CASP4: variants seen among roughly 807,000 people sequenced by gnomAD.
CASP4 encodes the protein caspase-4.
A neutral mutation model predicts 41.3 loss-of-function variants in CASP4; 29 were observed. The observed-to-expected ratio is 0.70, with a 90% CI of 0.52 to 0.96. CASP4 has a LOEUF of 0.96. CASP4 is among the 40% of genes least tolerant of loss of function. CASP4 has a pLI of 0.00. For missense variants in CASP4, 447 were observed against 460.6 expected, an observed-to-expected ratio of 0.97 and a Z score of 0.27; for synonymous variants, 185 against 158.4, an observed-to-expected ratio of 1.17 and a Z score of -1.26.
chr11:104,949,832 C>T, intron 4 of CASP4, 55 bp from the exon 5 acceptor site: 2 of 1,538,186 alleles, frequency 1.3e-6, no homozygotes, highest in Non-Finnish European at 9.0e-7. Context: ...TTAAAGGGGA[C>T]TCCTAGATTT....
intron 1 of CASP4, among the ~76,000 whole-genome samples, chr11:104,958,938 G>C (rs1001913375): frequency 8.6e-6 from 1 of 116,678 alleles, no homozygotes; most frequent in African/African-American, 3.3e-5. Flanking sequence ...TCCAGCCTAG[G>C]CAACAGAGTG....
intron 4 of CASP4, 101 bp downstream of exon 4, chr11:104,950,824 C>CACACT: frequency 2.5e-6 from 1 of 393,250 alleles, no homozygotes; most frequent in Non-Finnish European, 4.2e-6. Context: ...ACACACACAC[C>CACACT]CAAAGGTTGT....
intron 1 of CASP4, among the ~76,000 whole-genome samples, chr11:104,955,929 A>G (rs78557602): frequency 7.2e-4 from 110 of 152,266 alleles, no homozygotes; most frequent in Non-Finnish European, 1.5e-3. Context: ...ATGTCAGGAC[A>G]TTGCACAAAA....
intron 1 of CASP4, among the ~76,000 whole-genome samples, chr11:104,964,586 T>A (rs1450960924): frequency 6.6e-6 from 1 of 152,226 alleles, no homozygotes; most frequent in Non-Finnish European, 1.5e-5. Context: ...ACCAAGGCTT[T>A]GACTGGAATG....
intron 1 of CASP4, among the ~76,000 whole-genome samples, chr11:104,966,141 G>A (rs981887668): frequency 1.1e-4 from 16 of 152,146 alleles, no homozygotes; most frequent in Non-Finnish European, 1.9e-4. Context: ...TTACTCTTAC[G>A]CCATTGCAAT....
rs56313813 is a variant in CASP4 at position 104,954,521 on chromosome 11, A to G, written c.262+226T>C. Among the ~76,000 whole-genome samples, 1,217 of 152,260 alleles carry G rather than the reference A, an allele frequency of 8.0e-3. 21 individuals carry two copies. Among genetic ancestry groups the G allele is most frequent in the African/African-American group, 0.027 (1,135 of 41,552 alleles). On this transcript the variant is annotated intron_variant, in intron 2 of 8. Coordinates refer to ENST00000444739, the MANE Select transcript of CASP4 (RefSeq NM_001225.4). ...TACTACAAGGTGTGAACTATTAACTATTTTTGTACACAGTCTGAACACAAG... is the reference window on the plus strand; with the variant it reads ...TACTACAAGGTGTGAACTATTAACTGTTTTTGTACACAGTCTGAACACAAG...
chr11:104,943,560 C>CT (rs1198017054), intron 8 of CASP4: 6 of 152,248 alleles, frequency 3.9e-5, no homozygotes, highest in East Asian at 1.9e-4. Flanking sequence ...TTCCTTTTAT[C>CT]TTTTTTTGCT....
intron 1 of CASP4, among the ~76,000 whole-genome samples, 155 bp downstream of exon 1, chr11:104,968,364 C>A (rs900510822): frequency 4.6e-5 from 7 of 152,168 alleles, no homozygotes; most frequent in African/African-American, 1.7e-4. Context: ...ATCTCTAACA[C>A]CAGGTCCCAT....
At position 104,949,749 on chromosome 11, in the gene CASP4, GC is replaced by G. The variant is rs749900951; in HGVS notation, c.574del (p.Ala192LeufsTer55). 1 of 1,613,824 alleles carries G rather than the reference GC, an allele frequency of 6.2e-7. No individual in the cohort carries two copies. Among genetic ancestry groups the G allele is most frequent in the Non-Finnish European group, 8.5e-7 (1 of 1,179,862 alleles). On this transcript the variant is annotated frameshift_variant, in exon 5 of 9. Transcript: ENST00000444739. LOFTEE classifies it high-confidence loss of function. ...AGAGGACTTGTGCTCTGGTCTGGTAGCAAATGCCCTCAGCGCTGACTCCATA... is the reference window on the plus strand; with the variant it reads ...AGAGGACTTGTGCTCTGGTCTGGTAGAAATGCCCTCAGCGCTGACTCCATA... Reference protein sequence around the residue: ...RDMESALRAFATRPEHKSSDS... With the variant: ...RDMESALRAFXTRPEHKSSDS...
chr11:104,949,107 T>G (rs993520221), intron 5 of CASP4: 1 of 248,256 alleles, frequency 4.0e-6, no homozygotes, highest in Admixed American at 5.1e-5. Flanking sequence ...CATTCTACAG[T>G]CCCCTGATCT....
intron 2 of CASP4, 46 bp from the exon 3 acceptor site, chr11:104,952,051 C>G (rs1474149536): frequency 5.3e-6 from 6 of 1,136,138 alleles, no homozygotes; most frequent in Non-Finnish European, 1.3e-6. Context: ...GCCTCTGTGA[C>G]CCAATTTATC....
At chr11:104,961,774 A>G (rs894063592) in intron 1 of CASP4, among the ~76,000 whole-genome samples, 2 of 152,114 alleles carry the variant, frequency 1.3e-5, no homozygotes, top group Non-Finnish European at 2.9e-5. Flanking sequence ...GTATATGTGG[A>G]GGGAATCTCA....
chr11:104,962,434 A>G (rs1457078245), intron 1 of CASP4, among the ~76,000 whole-genome samples: 1 of 152,204 alleles, frequency 6.6e-6, no homozygotes, highest in Admixed American at 6.5e-5. Context: ...CTTAGCCTAT[A>G]GCAAATCTGG....
chr11:104,952,879 A>C (rs1315804018), intron 2 of CASP4, among the ~76,000 whole-genome samples: 1 of 152,198 alleles, frequency 6.6e-6, no homozygotes, highest in Non-Finnish European at 1.5e-5. Flanking sequence ...TTACACAGTG[A>C]TATATGACCT....
rs56116531 is a variant in CASP4 at position 104,955,001 on chromosome 11, T to C, written c.8A>G (p.Glu3Gly). ...AAGTGGCTTTTTTCTGTGGTTGCCT[T>C]CTGTTAGAAATAGAAAGATTCCTTT... is the stretch of plus-strand genomic sequence containing the variant. MA[E>G]GNHRKKPLKV... is the part of the protein sequence containing the mutation. Residue 3 changes from glutamate (E) to glycine (G), a missense_variant and splice_region_variant, in exon 2 of 9, where the codon GAA becomes GGA. By Grantham distance (98) the Glu-to-Gly change is moderately conservative. Coordinates refer to ENST00000444739, the MANE Select transcript of CASP4 (RefSeq NM_001225.4). 9.1e-4 allele frequency: 1,464 copies of C among 1,612,170 alleles called. 18 individuals carry two copies. The African/African-American group carries it at 0.017, about 19-fold the overall frequency.
rs570978964 is a variant in CASP4, at chr11:104,950,669, A to T, written c.546+256T>A. 9.1e-4 allele frequency among the ~76,000 whole-genome samples: 138 copies of T among 152,120 alleles called. 1 individual carries two copies. The highest frequency in any genetic ancestry group is 1.6e-3 in the Non-Finnish European group (107 of 68,020). ...ATTTTCGGGGCTGCATCCCAATCACATGATTTTGGAATTCAATAAGAAATG... is the reference window on the plus strand; with the variant it reads ...ATTTTCGGGGCTGCATCCCAATCACTTGATTTTGGAATTCAATAAGAAATG... On this transcript the variant is annotated intron_variant, in intron 4 of 8. Transcript: ENST00000444739.
At position 104,968,526 on chromosome 11, in the gene CASP4, A is replaced by C; in HGVS notation, c.-1T>G. ...AGTCAGAAAAGGACTCACCTGCCAT[A>C]GGGAACAGCCTCTGTCCTTTTTTAC... On this transcript the variant is annotated 5_prime_UTR_variant, in exon 1 of 9. Coordinates refer to ENST00000444739, the MANE Select transcript of CASP4 (RefSeq NM_001225.4). 1.2e-6 allele frequency: 2 copies of C among 1,613,206 alleles called. No homozygotes were observed. The highest frequency in any genetic ancestry group is 3.3e-4 in the Middle Eastern group (2 of 6,054).
At chr11:104,955,207 C>A (rs962601184) in intron 1 of CASP4, among the ~76,000 whole-genome samples, 4 of 152,036 alleles carry the variant, frequency 2.6e-5, no homozygotes, top group African/African-American at 9.7e-5. Flanking sequence ...TTTTTATTTT[C>A]TTTTTTGTTC....
intron 1 of CASP4, among the ~76,000 whole-genome samples, chr11:104,961,229 C>T (rs769232635): frequency 5.9e-5 from 9 of 152,318 alleles, no homozygotes; most frequent in African/African-American, 1.9e-4. Context: ...TTAATTGCAA[C>T]GGAGAAATAA....
Sources: allele counts gnomAD v4.1 joint callset (sites outside exome capture counted in the v4.1 genomes callset), GRCh38; gene constraint gnomAD v4.1.1; transcripts MANE v1.5; gene names NCBI Gene and HGNC (gene_info 2026-07-23, HGNC 2026-07-21).